NOS3: variants seen among roughly 807,000 people sequenced by gnomAD.
NOS3 encodes nitric oxide synthase 3.
In NOS3, 98 loss-of-function variants were observed where a neutral mutation model predicts 144.9. That is an observed-to-expected ratio of 0.68 (90% CI 0.57 to 0.80). The LOEUF is 0.80. NOS3 is among the 30% of genes least tolerant of loss of function. The pLI is 0.00. For synonymous variants in NOS3, 714 were observed against 702.4 expected (o/e 1.02, Z -0.26); for missense variants, 1,465 against 1,656.4 (o/e 0.88, Z 2.01).
Position 150,998,778 on chromosome 7 carries a change from C to G in NOS3, c.816+98C>G. ...GGGATCCAGGCAGGAAGAGGGGAGC[C>G]TCGGTGAGATAAAGGATGAAAAACA... is the stretch of plus-strand genomic sequence containing the variant. On this transcript the variant is annotated intron_variant, in intron 7 of 26. Transcript: ENST00000297494. This position sits in a 1 kb window ranked among gnomAD's most constrained non-coding sequence, Gnocchi z 5.0. 1.3e-6 allele frequency: 2 copies of G among 1,495,020 alleles called. No individual in the cohort carries two copies. Among genetic ancestry groups the G allele is most frequent in the South Asian group, 2.5e-5 (2 of 81,008 alleles). The allele number at this position is 1,495,020 out of a possible 1,614,324, so 92.6% of individuals were successfully genotyped here. A position where few individuals can be genotyped will look rare whatever the true frequency, so the allele number is the denominator to read the frequency against.
rs1222727029 is a variant in NOS3 at position 151,010,126 on chromosome 7, C to G, written c.2524C>G (p.Pro842Ala). Reference sequence around the variant, plus strand: ...TGCACTATCCCCAGGTGGCCCTCCCCCCGGCTGGGTGCGGGACCCCCGGCT... The same window carrying G: ...TGCACTATCCCCAGGTGGCCCTCCCGCCGGCTGGGTGCGGGACCCCCGGCT... ...LEKGSPGGPP[P>A]GWVRDPRLPP... is the part of the protein sequence containing the mutation. Residue 842 changes from proline to alanine, a missense_variant, in exon 21 of 27, where the codon CCC (proline) becomes GCC (alanine). Pro to Ala is a conservative substitution (Grantham distance 27). Transcript: ENST00000297494. The G allele has an allele frequency of 3.7e-6, 6 of 1,601,928 alleles. No individual in the cohort carries two copies. In the South Asian group the frequency reaches 4.4e-5, roughly 12 times the overall value.
At chr7:151,000,243 G>A (rs780926515) in intron 9 of NOS3, among the ~76,000 whole-genome samples, 1 of 151,868 alleles carries the variant, frequency 6.6e-6, no homozygotes, top group Admixed American at 6.6e-5. Context: ...ACCTTGACTC[G>A]GCAAAGGTTA....
chr7:151,010,589 C>T lies in NOS3; in HGVS notation c.2686-8C>T, dbSNP rs1343638627. 6.4e-7 allele frequency: 1 copy of T among 1,569,146 alleles called. No homozygotes were observed. The highest frequency in any genetic ancestry group is 8.6e-7 in the Non-Finnish European group (1 of 1,156,620). On this transcript the variant is annotated splice_polypyrimidine_tract_variant and splice_region_variant and intron_variant, in intron 21 of 26. Transcript: ENST00000297494. ...GGGCCTCCAACCCACTGCATCCTGC[C>T]CCGCCAGGATCCCCGACGCTACGAG...
At position 151,002,128 on chromosome 7, in the gene NOS3, G is replaced by T; in HGVS notation, c.1648-72G>T. 7.1e-7 allele frequency: 1 copy of T among 1,405,774 alleles called. No individual in the cohort carries two copies. The highest frequency in any genetic ancestry group is 1.2e-5 in the South Asian group (1 of 81,680). The allele number at this position is 1,405,774 out of a possible 1,614,324, so 87.1% of individuals were successfully genotyped here. A position where few individuals can be genotyped will look rare whatever the true frequency, so the allele number is the denominator to read the frequency against. ...TTGGGGCCTGAATCTTGCACTGCCA[G>T]GGAGGCCAGAGTGAGGAGGGCAGGG... On this transcript the variant is annotated intron_variant, in intron 13 of 26. Coordinates refer to ENST00000297494, the MANE Select transcript of NOS3 (RefSeq NM_000603.5). This position sits in a 1 kb window ranked among gnomAD's most constrained non-coding sequence, Gnocchi z 4.1.
intron 17 of NOS3, among the ~76,000 whole-genome samples, chr7:151,008,048 G>C (rs1026367005): frequency 6.6e-5 from 10 of 152,166 alleles, no homozygotes; most frequent in African/African-American, 2.4e-4. Context: ...GGGAAGAAGG[G>C]AACGGAAAAT....
In NOS3 at chr7:151,014,006, A is replaced by G; in HGVS notation, c.3451-2A>G. On this transcript the variant is annotated splice_acceptor_variant, in intron 26 of 26. Transcript: ENST00000297494. LOFTEE classifies it high-confidence loss of function. ...CTGATCCACTGTGCTCTTTTCCGAC[A>G]GGATCAGCAACGCTACCACGAAGAC... The G allele has an allele frequency of 1.2e-6, 2 of 1,612,058 alleles. No homozygotes were observed. The highest frequency in any genetic ancestry group is 1.7e-6 in the Non-Finnish European group (2 of 1,178,602).
chr7:151,011,904 G>C (rs1795313982), intron 23 of NOS3: 4 of 393,960 alleles, frequency 1.0e-5, no homozygotes, highest in Non-Finnish European at 2.0e-5. Flanking sequence ...GGAACCAAAA[G>C]TCCTGGTAGG....
rs1802347313 is a variant in NOS3 at position 150,995,244 on chromosome 7, A to G, written c.200A>G (p.Lys67Arg). Reference protein sequence around the residue: ...SPLTQPPEGPKFPRVKNWEVG... With the variant: ...SPLTQPPEGPRFPRVKNWEVG... ...CTAACCCAGCCCCCAGAGGGGCCCA[A>G]GTTCCCTCGTGTGAAGAACTGGGAG... Residue 67 changes from lysine (K) to arginine (R), a missense_variant, in exon 3 of 27, where the codon AAG (lysine) becomes AGG (arginine). Around this residue, in one of 5 missense-constraint regions of NOS3, gnomAD observed 374 missense variants for 377.0 expected, o/e 0.99. Transcript: ENST00000297494. The G allele has an allele frequency of 1.9e-6, 3 of 1,611,304 alleles. No homozygotes were observed. Among genetic ancestry groups the G allele is most frequent in the Non-Finnish European group, 2.5e-6 (3 of 1,178,954 alleles).
intron 14 of NOS3, among the ~76,000 whole-genome samples, chr7:151,004,188 T>C (rs1217984115): frequency 2.0e-5 from 3 of 152,040 alleles, no homozygotes; most frequent in Non-Finnish European, 4.4e-5. Flanking sequence ...AATACAAAAA[T>C]TAGCTGGGCA....
At chr7:151,001,769 G>A (rs549558373) in intron 12 of NOS3, 52 bp from the exon 13 acceptor site, 1 of 1,610,342 alleles carries the variant, frequency 6.2e-7, no homozygotes, top group African/African-American at 1.3e-5. Flanking sequence ...CTTGCCTGGG[G>A]AGGCCCTGCC....
rs142463758 is a variant in NOS3 at position 151,000,743 on chromosome 7, G to A, written c.1233+144G>A. On this transcript the variant is annotated intron_variant, in intron 10 of 26. Coordinates refer to ENST00000297494, the MANE Select transcript of NOS3 (RefSeq NM_000603.5). ...AGTTCCGTAGTCCCAGTGCCATGGC[G>A]CACACTGGCCTGCGGTTCGGGGACA... 2,432 of 646,352 alleles carry A rather than the reference G, an allele frequency of 3.8e-3. 33 individuals are homozygous for A. Among genetic ancestry groups the A allele is most frequent in the Admixed American group, 0.02 (866 of 44,016 alleles). The allele number at this position is 646,352 out of a possible 1,614,324, so 40.0% of individuals were successfully genotyped here. A position where few individuals can be genotyped will look rare whatever the true frequency, so the allele number is the denominator to read the frequency against.
At chr7:151,005,800 G>A (rs957887336) in intron 14 of NOS3, among the ~76,000 whole-genome samples, 4 of 152,210 alleles carry the variant, frequency 2.6e-5, no homozygotes, top group African/African-American at 9.6e-5. Context: ...AGTCCAGGCC[G>A]GAGGATCGCT....
At chr7:151,001,764 C>A (rs1475066683) in intron 12 of NOS3, 57 bp from the exon 13 acceptor site, 6 of 1,608,950 alleles carry the variant, frequency 3.7e-6, no homozygotes, top group Non-Finnish European at 4.2e-6. Flanking sequence ...GGACCCTTGC[C>A]TGGGGAGGCC....
At chr7:150,999,657 TA>T (rs1795033575) in intron 9 of NOS3, among the ~76,000 whole-genome samples, 6 of 139,194 alleles carry the variant, frequency 4.3e-5, no homozygotes, top group Admixed American at 4.2e-4. Flanking sequence ...TGTGGGTTTG[TA>T]GGGGTGGGTG....
intron 2 of NOS3, 95 bp downstream of exon 2, chr7:150,994,056 G>A (rs577673104): frequency 2.5e-5 from 33 of 1,340,868 alleles, no homozygotes; most frequent in Admixed American, 1.4e-4. Flanking sequence ...TAGCTGAGTC[G>A]GGAGGGCCAG....
rs1795088486 is a variant in NOS3 at position 151,001,288 on chromosome 7, C to G, written c.1291C>G (p.Leu431Val). ...CGCCACGGCCTCTTTCATGAAGCACCTGGAGAATGAGCAGAAGGCCAGGGG... is the reference window on the plus strand; with the variant it reads ...CGCCACGGCCTCTTTCATGAAGCACGTGGAGAATGAGCAGAAGGCCAGGGG... ...HAATASFMKH[L>V]ENEQKARGGC... Residue 431 changes from leucine (L) to valine (V), a missense_variant, in exon 11 of 27, where the codon CTG (leucine) becomes GTG (valine). Coordinates refer to ENST00000297494, the MANE Select transcript of NOS3 (RefSeq NM_000603.5). 2 of 1,613,854 alleles carry G rather than the reference C, an allele frequency of 1.2e-6. No individual in the cohort carries two copies. Among genetic ancestry groups the G allele is most frequent in the Non-Finnish European group, 1.7e-6 (2 of 1,179,970 alleles).
At chr7:151,006,630 C>T (rs1477804559) in intron 15 of NOS3, 136 bp downstream of exon 15, 2 of 776,128 alleles carry the variant, frequency 2.6e-6, no homozygotes, top group Non-Finnish European at 2.1e-6. Context: ...AGGATGCCCT[C>T]CATTCCAGGC....
chr7:151,006,835 T>C lies in NOS3; in HGVS notation c.1821-54T>C, dbSNP rs1795213268. Reference sequence around the variant, plus strand: ...CCGTCCCTGGGGCTGGGGCTGGGCCTAGCCTGTATCCCCAGGGCCCTGTGA... The same window carrying C: ...CCGTCCCTGGGGCTGGGGCTGGGCCCAGCCTGTATCCCCAGGGCCCTGTGA... On this transcript the variant is annotated intron_variant, in intron 15 of 26. Coordinates refer to ENST00000297494, the MANE Select transcript of NOS3 (RefSeq NM_000603.5). The C allele has an allele frequency of 2.1e-6, 3 of 1,414,132 alleles. No individual in the cohort carries two copies. The South Asian group carries it at 3.5e-5, about 16-fold the overall frequency. 87.6% of individuals were successfully genotyped at this position (1,414,132 alleles called of 1,614,324 possible). A position where few individuals can be genotyped will look rare whatever the true frequency, so the allele number is the denominator to read the frequency against.
Position 150,998,560 on chromosome 7 carries a change from G to A in NOS3, c.696G>A (p.Pro232=), listed in dbSNP as rs759150325. 1.6e-5 allele frequency: 25 copies of A among 1,609,464 alleles called. No individual in the cohort carries two copies. Among genetic ancestry groups the A allele is most frequent in the African/African-American group, 5.3e-5 (4 of 74,888 alleles). The change falls in exon 7 of 27, where the codon CCG becomes CCA. Residue 232 remains proline (P), a synonymous_variant. Transcript: ENST00000297494. This position sits in a 1 kb window ranked among gnomAD's most constrained non-coding sequence, Gnocchi z 5.0. The part of the protein sequence containing the change: ...GNLRSAITVF[P]QRCPGRGDFR... The stretch of plus-strand genomic sequence containing the variant: ...CCAGCTCGGCCATCACAGTGTTCCC[G>A]CAGCGCTGCCCTGGCCGAGGAGACT...
Sources: gnomAD v4.1 joint callset for allele counts (sites outside exome capture counted in the v4.1 genomes callset) on GRCh38, gnomAD v4.1.1 for gene constraint, gnomAD v4.1.1 regional missense constraint, Gnocchi (gnomAD v3.1) non-coding constraint, MANE v1.5 for transcripts, NCBI Gene and HGNC (gene_info 2026-07-23, HGNC 2026-07-21) for gene names.